Variants in COPZ2 observed in about 807,000 individuals in gnomAD.
The protein encoded by COPZ2 is coat protein complex I subunit zeta 2.
COPZ2 carries 30 observed loss-of-function variants against 33.2 expected under a neutral mutation model. That is an observed-to-expected ratio of 0.90 (90% confidence interval 0.68 to 1.23). COPZ2 has a LOEUF of 1.23. COPZ2 is among the 50% of genes most tolerant of loss of function. COPZ2 has a pLI of 0.00. For synonymous variants in COPZ2, 89 were observed against 102.6 expected (o/e 0.87, Z 0.80); for missense variants, 263 against 262.4 (o/e 1.00, Z -0.02).
In COPZ2 at chr17:48,033,495, G is replaced by A. The variant is rs549467993; in HGVS notation, c.269-193C>T. Among the ~76,000 whole-genome samples the A allele has an allele frequency of 8.0e-4, 122 of 152,218 alleles. 1 individual carries two copies. The highest frequency in any genetic ancestry group is 3.4e-3 in the Middle Eastern group (1 of 294). Reference sequence around the variant, plus strand: ...CCCTTATCTGCTACTCTATTTCTAGGGACTGCCTCAGGCCAAGGAGTCAAC... The same window carrying A: ...CCCTTATCTGCTACTCTATTTCTAGAGACTGCCTCAGGCCAAGGAGTCAAC... On this transcript the variant is annotated intron_variant, in intron 3 of 8. Coordinates refer to ENST00000621465, the MANE Select transcript of COPZ2 (RefSeq NM_016429.4).
At chr17:48,048,007 G>A in the COPZ2 span, 139 of 152,568 alleles carry the variant, frequency 9.1e-4, no homozygotes, top group Non-Finnish European at 1.6e-3. Context: ...AGAAAGCGCT[G>A]GAAGCGCCCA....
the COPZ2 span, among the ~76,000 whole-genome samples, chr17:48,043,352 C>G: frequency 2.0e-5 from 3 of 152,162 alleles, no homozygotes; most frequent in Non-Finnish European, 4.4e-5. Flanking sequence ...GAGTCACCCT[C>G]CTGCTGCCAC....
upstream of COPZ2, among the ~76,000 whole-genome samples, chr17:48,040,540 C>T (rs1478230664): frequency 6.7e-6 from 1 of 150,172 alleles, no homozygotes; most frequent in Admixed American, 6.7e-5. Context: ...TCCAGTGATT[C>T]TCCTGCCTCA....
chr17:48,040,241 A>T (rs1195318698), upstream of COPZ2, among the ~76,000 whole-genome samples: 2 of 149,706 alleles, frequency 1.3e-5, no homozygotes, highest in African/African-American at 4.9e-5. Context: ...CTGGTTATTT[A>T]TTATTATTTT....
intron 2 of COPZ2, among the ~76,000 whole-genome samples, chr17:48,035,621 G>T (rs1476663836): frequency 2.6e-5 from 4 of 152,002 alleles, no homozygotes; most frequent in Non-Finnish European, 4.4e-5. Flanking sequence ...GATGGGGTGT[G>T]CCATGTTGCC....
In COPZ2 at chr17:48,033,282, C is replaced by T; in HGVS notation, c.289G>A (p.Gly97Ser). The T allele has an allele frequency of 6.2e-7, 1 of 1,612,694 alleles. No homozygotes were observed. Among genetic ancestry groups the T allele is most frequent in the Non-Finnish European group, 8.5e-7 (1 of 1,179,210 alleles). ...CTGTTCTTGTAGACGATGGTCATACCCCCAAAAAATGCAATCTCACCTAGA... is the reference window on the plus strand; with the variant it reads ...CTGTTCTTGTAGACGATGGTCATACTCCCAAAAAATGCAATCTCACCTAGA... ...RTESEIAFFGGMTIVYKNSID... is the reference protein window; with the variant it reads ...RTESEIAFFGSMTIVYKNSID... Residue 97 changes from glycine to serine, a missense_variant, in exon 4 of 9, where the codon GGT becomes AGT. Transcript: ENST00000621465.
At chr17:48,042,972 T>C (rs531352313), upstream of COPZ2, among the ~76,000 whole-genome samples, 5 of 152,358 alleles carry the variant, frequency 3.3e-5, no homozygotes, top group East Asian at 9.6e-4. Context: ...GTGAGCTATG[T>C]GTGTCCAGTA....
In COPZ2 at chr17:48,028,906, C is replaced by G. The variant is rs1238488748; in HGVS notation, c.546+219G>C. On this transcript the variant is annotated intron_variant, in intron 7 of 8. Coordinates refer to ENST00000621465, the MANE Select transcript of COPZ2 (RefSeq NM_016429.4). The surrounding 1 kb of genome is among the most constrained non-coding windows in gnomAD (Gnocchi z 4.5). Reference sequence around the variant, plus strand: ...TTCCTACCAGGAAAGAGGTGAGGTACTTGTGCTCCTAGCCGGGGAGAGGAC... The same window carrying G: ...TTCCTACCAGGAAAGAGGTGAGGTAGTTGTGCTCCTAGCCGGGGAGAGGAC... 2.0e-5 allele frequency among the ~76,000 whole-genome samples: 3 copies of G among 152,116 alleles called. No homozygotes were observed. The highest frequency in any genetic ancestry group is 4.4e-5 in the Non-Finnish European group (3 of 68,016).
chr17:48,029,422 AC>A (rs1002080205), intron 6 of COPZ2: 1 of 590,006 alleles, frequency 1.7e-6, no homozygotes, highest in African/African-American at 1.9e-5. Context: ...AATCTTTGAA[AC>A]TGGATAAGAA....
rs755095772 is a variant in COPZ2 at position 48,026,477 on chromosome 17, T to A, written c.586-2A>T. The A allele has an allele frequency of 6.2e-7, 1 of 1,602,420 alleles. No individual in the cohort carries two copies. The highest frequency in any genetic ancestry group is 1.1e-5 in the South Asian group (1 of 90,832). On this transcript the variant is annotated splice_acceptor_variant, in intron 8 of 8. Transcript: ENST00000621465. LOFTEE classifies it high-confidence loss of function. ...TTGTTCCTTGGCAGACTGAAGAACC[T>A]GGGGTGGGGTGGGGGAGGTTGAGAG...
At chr17:48,030,474 C>T (rs1268880697) in intron 6 of COPZ2, among the ~76,000 whole-genome samples, 3 of 152,176 alleles carry the variant, frequency 2.0e-5, no homozygotes, top group Non-Finnish European at 4.4e-5. Flanking sequence ...ACAAAGATGA[C>T]AGGATCTGAG....
Position 48,037,075 on chromosome 17 carries a change from A to G in COPZ2, c.112-150T>C, listed in dbSNP as rs1489449810. On this transcript the variant is annotated intron_variant, in intron 1 of 8. Transcript: ENST00000621465. The surrounding 1 kb of genome is among the most constrained non-coding windows in gnomAD (Gnocchi z 5.6). ...CTGGTTCTGCCCAGCCCTGTGCCAC[A>G]TGGGCCAACCCAGGTGCCCACTCCA... 1.3e-6 allele frequency: 1 copy of G among 796,100 alleles called. No individual in the cohort carries two copies. Among genetic ancestry groups the G allele is most frequent in the Non-Finnish European group, 2.3e-6 (1 of 443,010 alleles). The allele number at this position is 796,100 out of a possible 1,614,324, so 49.3% of individuals were successfully genotyped here. A position where few individuals can be genotyped will look rare whatever the true frequency, so the allele number is the denominator to read the frequency against.
intron 6 of COPZ2, 104 bp downstream of exon 6, chr17:48,032,052 G>T (rs1256236030): frequency 5.9e-6 from 5 of 844,690 alleles, no homozygotes; most frequent in African/African-American, 3.3e-5. Flanking sequence ...TGGGGGAAGG[G>T]AGTGAGAAGT....
At chr17:48,034,984 T>A (rs1261653752) in intron 2 of COPZ2, among the ~76,000 whole-genome samples, 1 of 151,442 alleles carries the variant, frequency 6.6e-6, no homozygotes, top group African/African-American at 2.4e-5. Context: ...AGACTCCGTC[T>A]CAAAAAAAAA....
Position 48,029,041 on chromosome 17 carries a change from C to T in COPZ2, c.546+84G>A, listed in dbSNP as rs2036854518. 4 of 1,317,550 alleles carry T rather than the reference C, an allele frequency of 3.0e-6. No individual in the cohort carries two copies. The East Asian group carries it at 1.0e-4, about 33-fold the overall frequency. 81.6% of individuals were successfully genotyped at this position (1,317,550 alleles called of 1,614,324 possible). Reference sequence around the variant, plus strand: ...GCTTCTGCTAGAGGAGCTTGGGCTTCTACCATCTAGGCCCTAGCAGCCCTA... The same window carrying T: ...GCTTCTGCTAGAGGAGCTTGGGCTTTTACCATCTAGGCCCTAGCAGCCCTA... On this transcript the variant is annotated intron_variant, in intron 7 of 8. Transcript: ENST00000621465.
upstream of COPZ2, among the ~76,000 whole-genome samples, chr17:48,042,817 T>C (rs2037074823): frequency 6.6e-6 from 1 of 152,160 alleles, no homozygotes; most frequent in Non-Finnish European, 1.5e-5. Flanking sequence ...CAGAGCCAAG[T>C]TCAACTTTTC....
In COPZ2 at chr17:48,028,435, G is replaced by A. The variant is rs756529378; in HGVS notation, c.585+37C>T. 1 of 1,600,060 alleles carries A rather than the reference G, an allele frequency of 6.2e-7. No individual in the cohort carries two copies. The highest frequency in any genetic ancestry group is 2.2e-5 in the East Asian group (1 of 44,482). ...ATGCTCTGCTCCCCGTATCTCTCTA[G>A]ACCATTTCTAGCCAAGGCAGATGCA... On this transcript the variant is annotated intron_variant, in intron 8 of 8. Coordinates refer to ENST00000621465, the MANE Select transcript of COPZ2 (RefSeq NM_016429.4). This position sits in a 1 kb window ranked among gnomAD's most constrained non-coding sequence, Gnocchi z 4.5.
chr17:48,029,725 T>C (rs1246321251), intron 6 of COPZ2, among the ~76,000 whole-genome samples: 1 of 151,844 alleles, frequency 6.6e-6, no homozygotes, highest in African/African-American at 2.4e-5. Flanking sequence ...TCCCAGCACT[T>C]TGGGAGGCCG....
chr17:48,041,649 T>C (rs150876277), upstream of COPZ2, among the ~76,000 whole-genome samples: 2 of 152,322 alleles, frequency 1.3e-5, no homozygotes, highest in African/African-American at 4.8e-5. Context: ...CACTATTTGA[T>C]AACAGCAGCC....
Sources: allele counts gnomAD v4.1 joint callset (sites outside exome capture counted in the v4.1 genomes callset), GRCh38; gene constraint gnomAD v4.1.1; non-coding constraint Gnocchi (gnomAD v3.1); transcripts MANE v1.5; gene names NCBI Gene and HGNC (gene_info 2026-07-23, HGNC 2026-07-21).